KLB: variants seen among roughly 807,000 people sequenced by gnomAD.
KLB encodes beta-klotho.
In KLB, 44 loss-of-function variants were observed where a neutral mutation model predicts 88.4. That is an observed-to-expected ratio of 0.50 (90% CI 0.39 to 0.64). The LOEUF (loss-of-function observed/expected upper bound fraction) is 0.64. Ranked by LOEUF, KLB falls within the 30% of genes least tolerant of loss-of-function variation. The pLI is 0.00. For missense variants in KLB, 1,137 were observed against 1,304.8 expected, an observed-to-expected ratio of 0.87 and a Z score of 1.98; for synonymous variants, 548 against 513.4, an observed-to-expected ratio of 1.07 and a Z score of -0.91.
At chr4:39,427,108 G>T (rs1743234308) in intron 1 of KLB, among the ~76,000 whole-genome samples, 1 of 152,192 alleles carries the variant, frequency 6.6e-6, no homozygotes, top group Non-Finnish European at 1.5e-5. Context: ...ACTTAGGCTG[G>T]CGGATTGCTT....
intron 1 of KLB, among the ~76,000 whole-genome samples, chr4:39,409,988 AT>A (rs1742805583): frequency 6.6e-6 from 1 of 152,116 alleles, no homozygotes; most frequent in South Asian, 2.1e-4. Flanking sequence ...AAAAAGTTAA[AT>A]CCCTCTCCCT....
intron 1 of KLB, among the ~76,000 whole-genome samples, chr4:39,413,385 G>A (rs779871983): frequency 1.3e-4 from 20 of 152,102 alleles, no homozygotes; most frequent in Admixed American, 5.2e-4. Context: ...TTGCTCATGA[G>A]ACAATAACTC....
chr4:39,436,835 G>A (rs1034967416), intron 2 of KLB, among the ~76,000 whole-genome samples: 1 of 151,716 alleles, frequency 6.6e-6, no homozygotes, highest in Non-Finnish European at 1.5e-5. Flanking sequence ...TCAGCCTCCC[G>A]AGTAGCTGGG....
intron 1 of KLB, among the ~76,000 whole-genome samples, chr4:39,432,516 G>A (rs1030525712): frequency 1.3e-5 from 2 of 152,018 alleles, no homozygotes; most frequent in Non-Finnish European, 2.9e-5. Context: ...ATGGCTTCTG[G>A]CTTTTAATTT....
intron 3 of KLB, among the ~76,000 whole-genome samples, chr4:39,442,567 G>A (rs1743634484): frequency 6.6e-6 from 1 of 151,728 alleles, no homozygotes; most frequent in South Asian, 2.1e-4. Context: ...CCAAGTAGCT[G>A]GGATTACAGG....
At position 39,442,173 on chromosome 4, in the gene KLB, G is replaced by A. The variant is rs186073896; in HGVS notation, c.1606-4159G>A. Among the ~76,000 whole-genome samples, 649 of 151,968 alleles carry A rather than the reference G, an allele frequency of 4.3e-3. 6 individuals are homozygous for A. The highest frequency in any genetic ancestry group is 5.2e-3 in the Non-Finnish European group (351 of 67,966). ...GCAGGAGAATCGCTTGAGCCCGGGA[G>A]GAAGGTTGCAGTGAGCTGTGATCGT... On this transcript the variant is annotated intron_variant, in intron 3 of 4. Transcript: ENST00000257408.
intron 1 of KLB, among the ~76,000 whole-genome samples, chr4:39,431,584 C>T (rs1413017059): frequency 6.6e-6 from 1 of 152,146 alleles, no homozygotes; most frequent in Non-Finnish European, 1.5e-5. Context: ...CTTGGGAATA[C>T]CTGGGTGCTA....
At chr4:39,411,042 A>AGTTTTT (rs1366843575) in intron 1 of KLB, among the ~76,000 whole-genome samples, 1 of 151,638 alleles carries the variant, frequency 6.6e-6, no homozygotes, top group South Asian at 2.1e-4. Flanking sequence ...ACCAACTCTA[A>AGTTTTT]GTTTTTGTTT....
intron 1 of KLB, among the ~76,000 whole-genome samples, chr4:39,428,740 C>T (rs1178921856): frequency 2.0e-5 from 3 of 152,084 alleles, no homozygotes; most frequent in Admixed American, 6.6e-5. Context: ...GAGTTTTGCT[C>T]TTGTTGCCCA....
intron 3 of KLB, among the ~76,000 whole-genome samples, chr4:39,444,995 G>T (rs1743703593): frequency 6.6e-6 from 1 of 152,166 alleles, no homozygotes; most frequent in East Asian, 1.9e-4. Context: ...AGGGGAAAAA[G>T]AAGTACTTTA....
intron 3 of KLB, among the ~76,000 whole-genome samples, chr4:39,442,913 AT>A (rs1471553035): frequency 2.6e-5 from 4 of 152,184 alleles, no homozygotes; most frequent in Non-Finnish European, 5.9e-5. Context: ...TGTTCCAAAA[AT>A]GTCCTTTATA....
In KLB at chr4:39,448,584, C is replaced by CT; in HGVS notation, c.3035dup (p.Leu1012PhefsTer33). 1.2e-6 allele frequency: 2 copies of CT among 1,614,154 alleles called. No homozygotes were observed. The highest frequency in any genetic ancestry group is 1.7e-6 in the Non-Finnish European group (2 of 1,180,022). ...GCTTCTTCTCCACCCTGGTTCTACT[C>CT]TTATCAATTGCCATTTTTCAAAGGC... On this transcript the variant is annotated frameshift_variant, in exon 5 of 5. Transcript: ENST00000257408. LOFTEE classifies it high-confidence loss of function.
In KLB at chr4:39,424,245, A is replaced by AT. The variant is rs559879803; in HGVS notation, c.826-9959dup. On this transcript the variant is annotated intron_variant, in intron 1 of 4. Transcript: ENST00000257408. ...ACCACCATACCCAGCTAATTTTTGT[A>AT]TTTTTTGTAGAGACGAGGTTTTGCC... is the stretch of plus-strand genomic sequence containing the variant. Among the ~76,000 whole-genome samples the AT allele has an allele frequency of 1.2e-3, 182 of 151,560 alleles. 5 individuals are homozygous for AT. The highest frequency in any genetic ancestry group is 4.1e-3 in the African/African-American group (168 of 41,008).
chr4:39,443,710 A>C (rs1247718990), intron 3 of KLB, among the ~76,000 whole-genome samples: 1 of 150,346 alleles, frequency 6.7e-6, no homozygotes, highest in East Asian at 1.9e-4. Context: ...GCAGTGAGCC[A>C]AGATCGCACC....
chr4:39,442,811 T>C (rs1023441974), intron 3 of KLB, among the ~76,000 whole-genome samples: 1 of 152,208 alleles, frequency 6.6e-6, no homozygotes, highest in South Asian at 2.1e-4. Context: ...AGCATGTATC[T>C]CCTAAGAACA....
At chr4:39,414,275 A>G (rs567141877) in intron 1 of KLB, among the ~76,000 whole-genome samples, 1 of 151,104 alleles carries the variant, frequency 6.6e-6, no homozygotes, top group African/African-American at 2.4e-5. Context: ...CAGAAACTCA[A>G]AATTAATGTA....
chr4:39,419,944 C>CAAAA (rs34834552), intron 1 of KLB, among the ~76,000 whole-genome samples: 8 of 81,740 alleles, frequency 9.8e-5, no homozygotes, highest in Non-Finnish European at 1.4e-4. Context: ...AACTTCATCT[C>CAAAA]AAAAAAAAAA....
At chr4:39,411,537 T>TA (rs1410065687) in intron 1 of KLB, among the ~76,000 whole-genome samples, 1 of 150,224 alleles carries the variant, frequency 6.7e-6, no homozygotes, top group Non-Finnish European at 1.5e-5. Context: ...TTTTTTTTTT[T>TA]AAGACAGAGT....
intron 1 of KLB, among the ~76,000 whole-genome samples, chr4:39,422,800 C>T (rs1019964565): frequency 2.0e-5 from 3 of 150,904 alleles, no homozygotes; most frequent in Non-Finnish European, 2.9e-5. Context: ...CTTGCTCTGT[C>T]ACCCACACTG....
Sources: gnomAD v4.1 joint callset for allele counts (sites outside exome capture counted in the v4.1 genomes callset) on GRCh38, gnomAD v4.1.1 for gene constraint, MANE v1.5 for transcripts, NCBI Gene and HGNC (gene_info 2026-07-23, HGNC 2026-07-21) for gene names.